GLIS3: variants seen among roughly 807,000 people sequenced by gnomAD.
GLIS3 encodes the protein zinc finger protein GLIS3.
A neutral mutation model predicts 78.6 loss-of-function variants in GLIS3; 53 were observed. The ratio of observed to expected loss-of-function variants is 0.67; its 90% CI spans 0.54 to 0.85. GLIS3 has a LOEUF of 0.85. Ranked by LOEUF, GLIS3 falls within the 40% of genes least tolerant of loss-of-function variation. The probability of loss-of-function intolerance (pLI) is 0.00; values close to 1 mark genes in which losing one functional copy is unlikely to be tolerated. For missense variants in GLIS3, 1,703 were observed against 1,231.1 expected (o/e 1.38, Z -5.74); for synonymous variants, 684 against 509.9 (o/e 1.34, Z -4.60).
At chr9:4,189,525 C>G (rs1586923452) in intron 2 of GLIS3, among the ~76,000 whole-genome samples, 1 of 152,148 alleles carries the variant, frequency 6.6e-6, no homozygotes, top group African/African-American at 2.4e-5. Context: ...TGGTGCAGAG[C>G]TGAGTTCAAT....
intron 2 of GLIS3, among the ~76,000 whole-genome samples, chr9:4,219,376 C>G (rs900642002): frequency 1.3e-5 from 2 of 152,234 alleles, no homozygotes; most frequent in African/African-American, 2.4e-5. Flanking sequence ...CAAGGGTAAT[C>G]TGGACACTCA....
intron 4 of GLIS3, among the ~76,000 whole-genome samples, chr9:4,019,880 C>T (rs1311103507): frequency 2.0e-5 from 3 of 152,112 alleles, no homozygotes; most frequent in East Asian, 1.9e-4. Flanking sequence ...CAAGTAGCAA[C>T]GACTACAGGT....
intron 4 of GLIS3, among the ~76,000 whole-genome samples, chr9:4,038,491 T>A (rs1348372907): frequency 6.6e-6 from 1 of 152,230 alleles, no homozygotes; most frequent in East Asian, 1.9e-4. Flanking sequence ...GTAAAGAGAC[T>A]GACGTATGGG....
intron 7 of GLIS3, among the ~76,000 whole-genome samples, chr9:3,880,143 TCTAA>T (rs1195083709): frequency 6.6e-6 from 1 of 151,964 alleles, no homozygotes; most frequent in African/African-American, 2.4e-5. Context: ...AACTTTAGAG[TCTAA>T]CTAACCCAGG....
chr9:3,847,957 A>C (rs1348505869), intron 9 of GLIS3, among the ~76,000 whole-genome samples: 1 of 152,258 alleles, frequency 6.6e-6, no homozygotes, highest in Non-Finnish European at 1.5e-5. Flanking sequence ...TAACATCAGA[A>C]TAACATGAAG....
At chr9:4,337,533 A>G (rs1330599581) in intron 2 of GLIS3, among the ~76,000 whole-genome samples, 1 of 152,236 alleles carries the variant, frequency 6.6e-6, no homozygotes, top group Non-Finnish European at 1.5e-5. Context: ...ACAATGATGT[A>G]TATTTCCTTT....
At chr9:3,905,674 C>G (rs930358160) in intron 6 of GLIS3, among the ~76,000 whole-genome samples, 15 of 152,268 alleles carry the variant, frequency 9.9e-5, no homozygotes, top group Middle Eastern at 3.4e-3. Context: ...ACCCCTGGTT[C>G]TCAGGATGGG....
chr9:3,945,279 A>G (rs1053653081), intron 4 of GLIS3, among the ~76,000 whole-genome samples: 1 of 152,248 alleles, frequency 6.6e-6, no homozygotes, highest in African/African-American at 2.4e-5. Flanking sequence ...TGAGCATAAT[A>G]CTTCTATGAA....
chr9:4,232,185 C>G (rs780374867), intron 2 of GLIS3, among the ~76,000 whole-genome samples: 5 of 151,896 alleles, frequency 3.3e-5, no homozygotes, highest in African/African-American at 7.3e-5. Context: ...CAAGACCATC[C>G]TAAGCAACAT....
At chr9:3,999,924 TA>T (rs1821012659) in intron 4 of GLIS3, among the ~76,000 whole-genome samples, 2 of 152,092 alleles carry the variant, frequency 1.3e-5, no homozygotes, top group African/African-American at 2.4e-5. Context: ...TGGAAAAGAA[TA>T]GGGGTCCCAT....
chr9:4,247,765 TAAGAG>T (rs1342478245), intron 2 of GLIS3, among the ~76,000 whole-genome samples: 1 of 144,274 alleles, frequency 6.9e-6, no homozygotes, highest in Non-Finnish European at 1.5e-5. Context: ...AAAACTAAAT[TAAGAG>T]AAGTTTTCTC....
At chr9:4,432,032 C>T in the GLIS3 span, among the ~76,000 whole-genome samples, 1 of 152,118 alleles carries the variant, frequency 6.6e-6, no homozygotes, top group Non-Finnish European at 1.5e-5. Context: ...CCGATCTGGC[C>T]TGTGAGCCAC....
chr9:4,118,944 C>G lies in GLIS3; in HGVS notation c.597-63G>C. Reference sequence around the variant, plus strand: ...AAACATTTTAGCAGGATACGGATTGCTTAAGAGCTAAAAGAACACTGCATT... The same window carrying G: ...AAACATTTTAGCAGGATACGGATTGGTTAAGAGCTAAAAGAACACTGCATT... On this transcript the variant is annotated intron_variant, in intron 3 of 10. Transcript: ENST00000381971. This position sits in a 1 kb window ranked among gnomAD's most constrained non-coding sequence, Gnocchi z 4.7. 1.3e-6 allele frequency: 2 copies of G among 1,528,954 alleles called. No homozygotes were observed. Among genetic ancestry groups the G allele is most frequent in the Non-Finnish European group, 1.8e-6 (2 of 1,131,714 alleles). 94.7% of individuals were successfully genotyped at this position (1,528,954 alleles called of 1,614,324 possible).
rs1820208489 is a variant in GLIS3, at chr9:3,991,250, A to G, written c.1711-54061T>C. 2.0e-5 allele frequency among the ~76,000 whole-genome samples: 3 copies of G among 152,212 alleles called. No individual in the cohort carries two copies. The South Asian group carries it at 6.2e-4, about 32-fold the overall frequency. On this transcript the variant is annotated intron_variant, in intron 4 of 10. Coordinates refer to ENST00000381971, the MANE Select transcript of GLIS3 (RefSeq NM_001042413.2). Reference sequence around the variant, plus strand: ...TGGAGATAAGTGTACAAATGGGTACAATAGTAGCCATCATTAAGACAAATG... The same window carrying G: ...TGGAGATAAGTGTACAAATGGGTACGATAGTAGCCATCATTAAGACAAATG...
intron 2 of GLIS3, among the ~76,000 whole-genome samples, chr9:4,238,376 A>G (rs1822974972): frequency 6.6e-6 from 1 of 152,194 alleles, no homozygotes; most frequent in African/African-American, 2.4e-5. Context: ...AATATACTCC[A>G]TTCTATTTGA....
intron 4 of GLIS3, among the ~76,000 whole-genome samples, chr9:4,084,425 T>C (rs1828841273): frequency 6.6e-6 from 1 of 152,076 alleles, no homozygotes; most frequent in Non-Finnish European, 1.5e-5. Flanking sequence ...AAATTGCTAA[T>C]GCTATCAAGC....
intron 2 of GLIS3, among the ~76,000 whole-genome samples, chr9:4,232,084 T>C (rs1822301645): frequency 6.6e-6 from 1 of 152,118 alleles, no homozygotes; most frequent in African/African-American, 2.4e-5. Flanking sequence ...TTTTTAAAAA[T>C]GAAACAGACA....
At chr9:3,905,277 A>T (rs1238477778) in intron 6 of GLIS3, among the ~76,000 whole-genome samples, 1 of 150,930 alleles carries the variant, frequency 6.6e-6, no homozygotes, top group African/African-American at 2.4e-5. Flanking sequence ...GGCATGAGCC[A>T]CTGAGCCCCG....
intron 6 of GLIS3, among the ~76,000 whole-genome samples, chr9:3,920,858 G>C (rs1475985275): frequency 2.6e-5 from 4 of 152,144 alleles, no homozygotes; most frequent in Non-Finnish European, 5.9e-5. Context: ...GCCCAAAGCA[G>C]TATTGTGAAA....
Sources: allele counts gnomAD v4.1 joint callset (sites outside exome capture counted in the v4.1 genomes callset), GRCh38; gene constraint gnomAD v4.1.1; non-coding constraint Gnocchi (gnomAD v3.1); transcripts MANE v1.5; gene names NCBI Gene and HGNC (gene_info 2026-07-23, HGNC 2026-07-21).